ALG5: variants seen among roughly 807,000 people sequenced by gnomAD.
ALG5 encodes the protein dolichyl-phosphate beta-glucosyltransferase.
In ALG5, 26 loss-of-function variants were observed where a neutral mutation model predicts 51.8. The ratio of observed to expected loss-of-function variants is 0.50; its 90% CI spans 0.37 to 0.70. The LOEUF is 0.70. Ranked by LOEUF, ALG5 falls within the 30% of genes least tolerant of loss-of-function variation. The probability of loss-of-function intolerance (pLI) is 0.00; values close to 1 mark genes in which losing one functional copy is unlikely to be tolerated. For missense variants in ALG5, 311 were observed against 399.3 expected (o/e 0.78, Z 1.88); for synonymous variants, 141 against 136.1 (o/e 1.04, Z -0.25).
chr13:36,984,287 G>A (rs572167797), intron 6 of ALG5, among the ~76,000 whole-genome samples: 2 of 152,040 alleles, frequency 1.3e-5, no homozygotes, highest in Admixed American at 6.6e-5. Flanking sequence ...TTTTTACAGA[G>A]ATGGGGTCTT....
At chr13:36,970,408 T>C (rs2058916745) in intron 7 of ALG5, among the ~76,000 whole-genome samples, 2 of 148,020 alleles carry the variant, frequency 1.4e-5, no homozygotes. Flanking sequence ...GGTCAGGAGT[T>C]CGAGACCAAA....
intron 8 of ALG5, 64 bp downstream of exon 8, chr13:36,965,511 T>C (rs916404182): frequency 1.1e-5 from 17 of 1,494,664 alleles, no homozygotes; most frequent in Middle Eastern, 1.9e-4. Context: ...CAGGGCTGTT[T>C]CTCATTACCT....
chr13:36,996,292 T>C (rs930144706), intron 1 of ALG5, among the ~76,000 whole-genome samples: 2 of 152,228 alleles, frequency 1.3e-5, no homozygotes, highest in Non-Finnish European at 2.9e-5. Context: ...CACTTTCTGC[T>C]TTCAAAACAG....
chr13:36,955,686 G>GAAAAAAAAA (rs35130767), intron 8 of ALG5, among the ~76,000 whole-genome samples: 3 of 36,476 alleles, frequency 8.2e-5, no homozygotes, highest in Non-Finnish European at 1.4e-4. Context: ...CAGAGATTGT[G>GAAAAAAAAA]AAAAAAAAAA....
At chr13:36,965,537 C>A (rs1442216316) in intron 8 of ALG5, 38 bp downstream of exon 8, 9 of 1,590,912 alleles carry the variant, frequency 5.7e-6, no homozygotes, top group Non-Finnish European at 7.7e-6. Flanking sequence ...ATGGCTGGGT[C>A]ATAAGACAGA....
intron 9 of ALG5, among the ~76,000 whole-genome samples, chr13:36,952,204 A>G (rs950422666): frequency 6.6e-6 from 1 of 152,236 alleles, no homozygotes; most frequent in Non-Finnish European, 1.5e-5. Flanking sequence ...AAATTTATCT[A>G]TCTCAAAAGA....
At chr13:36,989,654 C>T (rs2243710) in intron 4 of ALG5, 78 bp from the exon 5 acceptor site, 513,441 of 1,168,000 alleles carry the variant, frequency 0.44, 113,976 homozygotes, top group Middle Eastern at 0.48. Flanking sequence ...CTTGCTTTGG[C>T]TCAAACACTG....
At chr13:36,997,466 C>CAAAAAAAA (rs57878611) in intron 1 of ALG5, among the ~76,000 whole-genome samples, 1 of 78,130 alleles carries the variant, frequency 1.3e-5, no homozygotes, top group African/African-American at 4.9e-5. Flanking sequence ...GACTCCGTCT[C>CAAAAAAAA]AAAAAAAAAA....
In ALG5 at chr13:36,999,237, G is replaced by A. The variant is rs2059072085; in HGVS notation, c.64C>T (p.Leu22=). 6.3e-7 allele frequency: 1 copy of A among 1,578,752 alleles called. No homozygotes were observed. The highest frequency in any genetic ancestry group is 8.6e-7 in the Non-Finnish European group (1 of 1,165,328). ...GAALAAAALV[L]ISIVAFTTAT... ...CGGGTTCCCATCCCTGTTCTCACCA[G>A]TACGAGGGCTGCGGCCGCCAGCGCC... The change falls in exon 1 of 10, where the codon CTG becomes TTG. Residue 22 remains leucine, a splice_region_variant and synonymous_variant. Coordinates refer to ENST00000239891, the MANE Select transcript of ALG5 (RefSeq NM_013338.5).
At chr13:36,975,685 A>G (rs2058946984) in intron 6 of ALG5, among the ~76,000 whole-genome samples, 1 of 152,222 alleles carries the variant, frequency 6.6e-6, no homozygotes, top group African/African-American at 2.4e-5. Context: ...GGAGTCATAG[A>G]TGTAGAATAC....
chr13:36,985,057 AT>A (rs2058996083), intron 6 of ALG5, among the ~76,000 whole-genome samples: 1 of 149,804 alleles, frequency 6.7e-6, no homozygotes, highest in Non-Finnish European at 1.5e-5. Flanking sequence ...TCTCTTATTC[AT>A]TTTTTCCAGA....
At chr13:36,995,304 C>A in intron 2 of ALG5, 121 bp downstream of exon 2, 1 of 1,055,232 alleles carries the variant, frequency 9.5e-7, no homozygotes, top group Non-Finnish European at 1.4e-6. Flanking sequence ...CAATTATCAA[C>A]TGTGTGCTCA....
intron 3 of ALG5, 35 bp downstream of exon 3, chr13:36,994,954 T>C (rs754385340): frequency 1.3e-6 from 2 of 1,588,282 alleles, no homozygotes; most frequent in East Asian, 2.2e-5. Context: ...CTAGTTTTAA[T>C]TGGAGATATC....
At chr13:36,977,803 AAAAAAAAAAAAC>A (rs1361780979) in intron 6 of ALG5, among the ~76,000 whole-genome samples, 2 of 147,240 alleles carry the variant, frequency 1.4e-5, no homozygotes, top group African/African-American at 5.1e-5. Flanking sequence ...AAAAAAAAAA[AAAAAAAAAAAAC>A]AAAAACGGTG....
At chr13:36,989,635 G>A (rs1593683795) in intron 4 of ALG5, 59 bp from the exon 5 acceptor site, 1 of 1,377,878 alleles carries the variant, frequency 7.3e-7, no homozygotes, top group East Asian at 2.5e-5. Flanking sequence ...AATTATATAA[G>A]CTGTGTTTCT....
chr13:36,957,921 C>G (rs1467300299), intron 8 of ALG5, among the ~76,000 whole-genome samples: 2 of 152,140 alleles, frequency 1.3e-5, no homozygotes, highest in Non-Finnish European at 2.9e-5. Flanking sequence ...GGGAAGGACT[C>G]TATCCAGTCC....
chr13:36,996,043 T>C (rs1174520344), intron 1 of ALG5, among the ~76,000 whole-genome samples: 1 of 150,994 alleles, frequency 6.6e-6, no homozygotes, highest in African/African-American at 2.5e-5. Context: ...AGTTGGAACA[T>C]GCGGGGTGAG....
At chr13:36,995,090 G>A in intron 2 of ALG5, 55 bp from the exon 3 acceptor site, 2 of 1,469,528 alleles carry the variant, frequency 1.4e-6, no homozygotes, top group Non-Finnish European at 1.9e-6. Context: ...TCCAAGCCCG[G>A]CACATTCAGC....
At chr13:36,974,605 A>G (rs2058941331) in intron 6 of ALG5, among the ~76,000 whole-genome samples, 1 of 152,012 alleles carries the variant, frequency 6.6e-6, no homozygotes, top group Admixed American at 6.6e-5. Flanking sequence ...TATTATGGGT[A>G]TTTTCAAACA....
Sources: gnomAD v4.1 joint callset for allele counts (sites outside exome capture counted in the v4.1 genomes callset) on GRCh38, gnomAD v4.1.1 for gene constraint, MANE v1.5 for transcripts, NCBI Gene and HGNC (gene_info 2026-07-23, HGNC 2026-07-21) for gene names.